The following ITPR2 variants were observed in gnomAD, a reference collection of about 807,000 sequenced individuals.
ITPR2 encodes inositol 1,4,5-trisphosphate-gated calcium channel ITPR2.
In ITPR2, 207 loss-of-function variants were observed where a neutral mutation model predicts 317.1. The observed-to-expected ratio is 0.65, with a 90% CI of 0.58 to 0.73. The LOEUF is 0.73. Ranked by LOEUF, ITPR2 falls within the 30% of genes least tolerant of loss-of-function variation. The probability of loss-of-function intolerance (pLI) is 0.00; values close to 1 mark genes in which losing one functional copy is unlikely to be tolerated. For missense variants in ITPR2, 2,613 were observed against 3,284.0 expected (o/e 0.80, Z 4.99); for synonymous variants, 1,156 against 1,149.1 (o/e 1.01, Z -0.12).
chr12:26,381,725 A>G (rs1939515470), intron 55 of ITPR2, among the ~76,000 whole-genome samples: 1 of 152,346 alleles, frequency 6.6e-6, no homozygotes, highest in African/African-American at 2.4e-5. Context: ...TGATGCAGTA[A>G]AAGGAGGAAA....
At chr12:26,356,355 G>A (rs1214283216) in intron 55 of ITPR2, among the ~76,000 whole-genome samples, 2 of 152,206 alleles carry the variant, frequency 1.3e-5, no homozygotes, top group Non-Finnish European at 1.5e-5. Context: ...ATGAAGTAAT[G>A]CCAAGTAGGG....
At chr12:26,612,031 C>T (rs1411491555) in intron 26 of ITPR2, among the ~76,000 whole-genome samples, 3 of 152,142 alleles carry the variant, frequency 2.0e-5, no homozygotes, top group Admixed American at 6.5e-5. Flanking sequence ...GCTCGAGGGA[C>T]GCAATGGGCT....
At chr12:26,389,929 A>G (rs1034067312) in intron 54 of ITPR2, among the ~76,000 whole-genome samples, 2 of 152,212 alleles carry the variant, frequency 1.3e-5, no homozygotes, top group African/African-American at 4.8e-5. Flanking sequence ...TCCTCCCACT[A>G]GAGTATAAGA....
At chr12:26,697,749 A>G (rs541578806) in intron 9 of ITPR2, among the ~76,000 whole-genome samples, 19 of 152,222 alleles carry the variant, frequency 1.2e-4, no homozygotes, top group Non-Finnish European at 1.9e-4. Flanking sequence ...CAGAGGTTGC[A>G]GTGACTGCAC....
chr12:26,673,745 A>G (rs1185797196), intron 13 of ITPR2, among the ~76,000 whole-genome samples: 5 of 150,234 alleles, frequency 3.3e-5, no homozygotes, highest in African/African-American at 1.2e-4. Context: ...GGAAAAGAGG[A>G]AGTCAAATTG....
intron 2 of ITPR2, among the ~76,000 whole-genome samples, chr12:26,785,432 G>A (rs1354556060): frequency 2.3e-5 from 2 of 86,964 alleles, no homozygotes; most frequent in African/African-American, 3.5e-5. Context: ...GGGAGGTGGG[G>A]GGGTCAGCCC....
chr12:26,431,690 G>A (rs1472287681), intron 48 of ITPR2, among the ~76,000 whole-genome samples: 2 of 152,206 alleles, frequency 1.3e-5, no homozygotes, highest in African/African-American at 4.8e-5. Flanking sequence ...TCTCCATTTA[G>A]TCATTGTACC....
At chr12:26,537,787 A>G (rs1944139709) in intron 37 of ITPR2, among the ~76,000 whole-genome samples, 1 of 152,212 alleles carries the variant, frequency 6.6e-6, no homozygotes, top group African/African-American at 2.4e-5. Context: ...AAAGCCAGCG[A>G]TAACTGAGAT....
intron 1 of ITPR2, among the ~76,000 whole-genome samples, chr12:26,800,090 C>G (rs1207368680): frequency 1.3e-5 from 2 of 152,204 alleles, no homozygotes; most frequent in Admixed American, 6.5e-5. Context: ...TAGTCTCACT[C>G]TCTTCTTCCA....
chr12:26,782,103 C>T (rs921989775), intron 2 of ITPR2, among the ~76,000 whole-genome samples: 14 of 141,942 alleles, frequency 9.9e-5, no homozygotes, highest in East Asian at 4.2e-4. Context: ...TCTTAATAAA[C>T]TCATGTATAT....
intron 13 of ITPR2, among the ~76,000 whole-genome samples, chr12:26,667,935 A>T (rs1226634086): frequency 6.6e-6 from 1 of 152,082 alleles, no homozygotes; most frequent in African/African-American, 2.4e-5. Context: ...TCAACCCTAC[A>T]TGTAAAGCCC....
At chr12:26,474,519 C>A (rs1196750091) in intron 45 of ITPR2, among the ~76,000 whole-genome samples, 1 of 152,106 alleles carries the variant, frequency 6.6e-6, no homozygotes, top group Non-Finnish European at 1.5e-5. Flanking sequence ...AAAGGCCGGG[C>A]GCGGTGGCTC....
At chr12:26,492,917 G>A (rs1942843070) in intron 39 of ITPR2, among the ~76,000 whole-genome samples, 1 of 115,522 alleles carries the variant, frequency 8.7e-6, no homozygotes, top group East Asian at 4.2e-4. Flanking sequence ...ATGTGTGTGT[G>A]TGTATATATA....
intron 39 of ITPR2, among the ~76,000 whole-genome samples, chr12:26,491,530 G>A (rs1393631713): frequency 1.3e-5 from 2 of 148,708 alleles, no homozygotes; most frequent in African/African-American, 5.0e-5. Flanking sequence ...AGGCAACACG[G>A]AGAATGATTT....
chr12:26,818,774 A>G (rs996822427), intron 1 of ITPR2, among the ~76,000 whole-genome samples: 3 of 152,140 alleles, frequency 2.0e-5, no homozygotes, highest in African/African-American at 7.2e-5. Flanking sequence ...GGTTGAAGTC[A>G]AAGATCTACC....
intron 55 of ITPR2, among the ~76,000 whole-genome samples, chr12:26,363,139 G>A (rs758201964): frequency 1.3e-5 from 2 of 152,152 alleles, no homozygotes; most frequent in Non-Finnish European, 2.9e-5. Context: ...ATTACCGCCT[G>A]AGCTCCACCT....
At chr12:26,548,436 C>G (rs1316283125) in intron 37 of ITPR2, among the ~76,000 whole-genome samples, 1 of 151,950 alleles carries the variant, frequency 6.6e-6, no homozygotes, top group Non-Finnish European at 1.5e-5. Flanking sequence ...TTCTGAAGGG[C>G]TCTAGTGATC....
At chr12:26,518,318 T>C (rs1943579946) in intron 37 of ITPR2, among the ~76,000 whole-genome samples, 1 of 152,160 alleles carries the variant, frequency 6.6e-6, no homozygotes, top group South Asian at 2.1e-4. Flanking sequence ...AGCTAAACAT[T>C]GAGTACATAT....
In ITPR2 at chr12:26,731,901, G is replaced by A. The variant is rs771022648; in HGVS notation, c.164-6136C>T. ...GAAAATACAACTCTAGGTTGTTTTC[G>A]TTTTTCAGTTTCCCTAAGAAATGCA... On this transcript the variant is annotated intron_variant, in intron 2 of 56. Coordinates refer to ENST00000381340, the MANE Select transcript of ITPR2 (RefSeq NM_002223.4). Among the ~76,000 whole-genome samples the A allele has an allele frequency of 1.3e-3, 196 of 152,232 alleles. 3 individuals are homozygous for A. Among genetic ancestry groups the A allele is most frequent in the Non-Finnish European group, 3.4e-4 (23 of 67,982 alleles).
Sources: gnomAD v4.1 joint callset for allele counts (sites outside exome capture counted in the v4.1 genomes callset) on GRCh38, gnomAD v4.1.1 for gene constraint, MANE v1.5 for transcripts, NCBI Gene and HGNC (gene_info 2026-07-23, HGNC 2026-07-21) for gene names.